KAZN: variants seen among roughly 807,000 people sequenced by gnomAD.
KAZN encodes kazrin.
KAZN carries 40 observed loss-of-function variants against 87.4 expected under a neutral mutation model. The observed-to-expected ratio is 0.46, with a 90% CI of 0.36 to 0.60. KAZN has a LOEUF of 0.60. Ranked by LOEUF, KAZN falls within the 20% of genes least tolerant of loss-of-function variation. The probability of loss-of-function intolerance (pLI) is 0.00; values close to 1 mark genes in which losing one functional copy is unlikely to be tolerated. For missense variants in KAZN, 898 were observed against 1,073.9 expected, an observed-to-expected ratio of 0.84 and a Z score of 2.29; for synonymous variants, 466 against 458.3, an observed-to-expected ratio of 1.02 and a Z score of -0.22.
At chr1:14,355,400 A>ATT (rs1327855336) in intron 2 of KAZN, among the ~76,000 whole-genome samples, 6 of 147,902 alleles carry the variant, frequency 4.1e-5, no homozygotes, top group African/African-American at 1.2e-4. Context: ...AACAATCTAC[A>ATT]TATTTATTTA....
chr1:13,929,327 C>T (rs542871938), intron 1 of KAZN, among the ~76,000 whole-genome samples: 1 of 152,276 alleles, frequency 6.6e-6, no homozygotes, highest in East Asian at 1.9e-4. Context: ...GTTAAAAACT[C>T]AGGCTGCTGG....
At chr1:14,472,937 G>C (rs1668532088) in intron 2 of KAZN, among the ~76,000 whole-genome samples, 1 of 152,158 alleles carries the variant, frequency 6.6e-6, no homozygotes, top group Non-Finnish European at 1.5e-5. Context: ...AACATAGTTA[G>C]GAGAGTAAAT....
chr1:13,961,552 T>G (rs569661221), intron 1 of KAZN, among the ~76,000 whole-genome samples: 1 of 152,332 alleles, frequency 6.6e-6, no homozygotes, highest in East Asian at 1.9e-4. Flanking sequence ...CCTTTCTCTC[T>G]GTCTCTTTCT....
At chr1:14,900,990 T>C (rs1655819408) in intron 1 of KAZN, among the ~76,000 whole-genome samples, 1 of 152,182 alleles carries the variant, frequency 6.6e-6, no homozygotes, top group African/African-American at 2.4e-5. Flanking sequence ...ATTTACTCTG[T>C]GCCAGGCACT....
intron 1 of KAZN, among the ~76,000 whole-genome samples, chr1:14,605,864 A>C (rs1677317330): frequency 6.6e-6 from 1 of 152,248 alleles, no homozygotes; most frequent in East Asian, 1.9e-4. Context: ...TTGCAGTGAG[A>C]TAGTGATGAC....
At chr1:14,275,188 C>T (rs553470251) in intron 2 of KAZN, among the ~76,000 whole-genome samples, 1 of 152,166 alleles carries the variant, frequency 6.6e-6, no homozygotes, top group Non-Finnish European at 1.5e-5. Context: ...TCCCTCTCCC[C>T]ACCAGGGAAG....
At chr1:14,848,417 G>T (rs370790270) in intron 1 of KAZN, among the ~76,000 whole-genome samples, 1 of 152,208 alleles carries the variant, frequency 6.6e-6, no homozygotes, top group African/African-American at 2.4e-5. Flanking sequence ...GCCCACCACC[G>T]TGCCTACCGC....
chr1:14,366,308 AGC>A (rs1659992271), intron 2 of KAZN, among the ~76,000 whole-genome samples: 1 of 152,232 alleles, frequency 6.6e-6, no homozygotes, highest in Non-Finnish European at 1.5e-5. Flanking sequence ...TCTTCATTGA[AGC>A]TGTTGGCTAT....
Position 15,110,549 on chromosome 1 carries a change from T to TTGTGTGTGTGTG in KAZN, c.2049-1870_2049-1859dup, listed in dbSNP as rs71000365. 4.0e-3 allele frequency among the ~76,000 whole-genome samples: 598 copies of TTGTGTGTGTGTG among 147,966 alleles called. 2 individuals are homozygous for TTGTGTGTGTGTG. The highest frequency in any genetic ancestry group is 0.01 in the Middle Eastern group (3 of 288). On this transcript the variant is annotated intron_variant, in intron 13 of 14. Transcript: ENST00000376030. ...TGTGTTTGTGTGTGTGCATATGTGTTTGTGTGTGTGTGTGTGTGTATCCTC... is the reference window on the plus strand; with the variant it reads ...TGTGTTTGTGTGTGTGCATATGTGTTTGTGTGTGTGTGTGTGTGTGTGTGTGTGTGTATCCTC...
At chr1:14,779,578 G>T (rs1021476567) in intron 1 of KAZN, among the ~76,000 whole-genome samples, 4 of 152,210 alleles carry the variant, frequency 2.6e-5, no homozygotes, top group Non-Finnish European at 4.4e-5. Flanking sequence ...CAAATGAGAT[G>T]TAGGTCTACA....
chr1:14,412,362 A>G (rs1188871511), intron 2 of KAZN, among the ~76,000 whole-genome samples: 1 of 152,236 alleles, frequency 6.6e-6, no homozygotes, highest in African/African-American at 2.4e-5. Context: ...AAAAACCCCA[A>G]ACTTTCACTA....
chr1:14,202,828 C>G (rs1466930441), intron 2 of KAZN, among the ~76,000 whole-genome samples: 1 of 151,948 alleles, frequency 6.6e-6, no homozygotes, highest in East Asian at 1.9e-4. Flanking sequence ...ACCAGCCTGG[C>G]CAACATGCCA....
intron 1 of KAZN, among the ~76,000 whole-genome samples, chr1:14,709,985 C>T (rs746909807): frequency 1.3e-5 from 2 of 152,142 alleles, no homozygotes; most frequent in Non-Finnish European, 2.9e-5. Flanking sequence ...TTCACAGTAT[C>T]CCTGCTGTGT....
intron 1 of KAZN, among the ~76,000 whole-genome samples, chr1:14,623,830 G>A (rs892507836): frequency 2.0e-5 from 3 of 151,266 alleles, no homozygotes; most frequent in African/African-American, 7.3e-5. Context: ...TAAATATTTT[G>A]TGATTTTTTT....
intron 4 of KAZN, among the ~76,000 whole-genome samples, chr1:15,045,115 G>C (rs115767688): frequency 0.012 from 1,866 of 152,262 alleles, 31 homozygotes; most frequent in African/African-American, 0.042. Context: ...ACTGTTCTGG[G>C]CTTCAGTGCC....
intron 1 of KAZN, among the ~76,000 whole-genome samples, chr1:14,640,544 G>T (rs998061414): frequency 6.6e-6 from 1 of 152,150 alleles, no homozygotes; most frequent in African/African-American, 2.4e-5. Context: ...CTCCCTCCAT[G>T]CTTAGTAACT....
At chr1:14,160,118 C>T (rs924339821) in intron 1 of KAZN, among the ~76,000 whole-genome samples, 2 of 152,184 alleles carry the variant, frequency 1.3e-5, no homozygotes, top group Non-Finnish European at 2.9e-5. Flanking sequence ...GTCTCTGGGC[C>T]CAGTTCAGCA....
chr1:14,733,994 A>ATCT (rs1432444501), intron 1 of KAZN, among the ~76,000 whole-genome samples: 1 of 152,130 alleles, frequency 6.6e-6, no homozygotes, highest in Non-Finnish European at 1.5e-5. Context: ...CCCTCTGCCC[A>ATCT]GGATGCCCTT....
intron 1 of KAZN, among the ~76,000 whole-genome samples, chr1:14,012,950 T>C (rs1248375125): frequency 1.3e-5 from 2 of 152,194 alleles, no homozygotes; most frequent in African/African-American, 4.8e-5. Context: ...TTTCAACATA[T>C]GTTGTAAAAA....
Sources: allele counts gnomAD v4.1 joint callset (sites outside exome capture counted in the v4.1 genomes callset), GRCh38; gene constraint gnomAD v4.1.1; transcripts MANE v1.5; gene names NCBI Gene and HGNC (gene_info 2026-07-23, HGNC 2026-07-21).